TRPM3: variants seen among roughly 807,000 people sequenced by gnomAD.
TRPM3 encodes the protein long transient receptor potential channel 3.
A neutral mutation model predicts 181.2 loss-of-function variants in TRPM3; 77 were observed. The ratio of observed to expected loss-of-function variants is 0.42; its 90% CI spans 0.35 to 0.51. The LOEUF is 0.51. Ranked by LOEUF, TRPM3 falls within the 20% of genes least tolerant of loss-of-function variation. The probability of loss-of-function intolerance (pLI) is 0.01; values close to 1 mark genes in which losing one functional copy is unlikely to be tolerated. For synonymous variants in TRPM3, 745 were observed against 796.4 expected (o/e 0.94, Z 1.09); for missense variants, 1,759 against 2,196.7 (o/e 0.80, Z 3.98).
intron 1 of TRPM3, among the ~76,000 whole-genome samples, chr9:71,183,154 T>C (rs576079243): frequency 6.6e-6 from 1 of 152,258 alleles, no homozygotes; most frequent in East Asian, 1.9e-4. Context: ...ATCCACCACT[T>C]AAGTAAGACT....
intron 1 of TRPM3, among the ~76,000 whole-genome samples, chr9:71,089,124 T>G (rs1327553099): frequency 6.8e-6 from 1 of 147,584 alleles, no homozygotes; most frequent in Non-Finnish European, 1.5e-5. Context: ...ATATTGTATA[T>G]ATCATATATA....
intron 1 of TRPM3, among the ~76,000 whole-genome samples, chr9:71,298,469 G>A (rs573523190): frequency 1.4e-5 from 2 of 147,082 alleles, no homozygotes; most frequent in African/African-American, 2.5e-5. Flanking sequence ...AAATAATCTG[G>A]TCTTTTTTTT....
At chr9:71,350,002 T>TATA (rs2091529433) in intron 1 of TRPM3, among the ~76,000 whole-genome samples, 2 of 5,758 alleles carry the variant, frequency 3.5e-4, no homozygotes, top group South Asian at 2.5e-3. Flanking sequence ...TATATATATA[T>TATA]GGGCCTAAAA....
At chr9:71,249,330 A>G (rs1038451776) in intron 1 of TRPM3, among the ~76,000 whole-genome samples, 1 of 152,224 alleles carries the variant, frequency 6.6e-6, no homozygotes, top group African/African-American at 2.4e-5. Flanking sequence ...CAAACTCTAC[A>G]TTGGAGCTTT....
Position 71,167,486 on chromosome 9 carries a change from A to C in TRPM3, c.183+279167T>G, listed in dbSNP as rs1289642430. Among the ~76,000 whole-genome samples the C allele has an allele frequency of 3.9e-5, 6 of 152,326 alleles. No homozygotes were observed. In the East Asian group the frequency reaches 1.2e-3, roughly 29 times the overall value. On this transcript the variant is annotated intron_variant, in intron 1 of 24. Coordinates refer to the TRPM3 transcript ENST00000357533. The stretch of plus-strand genomic sequence containing the variant: ...CAACATATCACACCCTTCTGCAAAA[A>C]AACACACTTCTTTCTCCCATGAGAC...
chr9:70,977,732 T>C (rs1158654068), intron 1 of TRPM3, among the ~76,000 whole-genome samples: 1 of 152,168 alleles, frequency 6.6e-6, no homozygotes, highest in African/African-American at 2.4e-5. Context: ...GAACAGCTCA[T>C]GGAACTCAGG....
At chr9:70,779,242 C>A (rs1171674371) in intron 7 of TRPM3, among the ~76,000 whole-genome samples, 4 of 152,122 alleles carry the variant, frequency 2.6e-5, no homozygotes, top group African/African-American at 9.7e-5. Flanking sequence ...TTGGTATTTT[C>A]CCCATTGATA....
chr9:70,583,984 C>T (rs1406884889), intron 22 of TRPM3, among the ~76,000 whole-genome samples: 2 of 152,160 alleles, frequency 1.3e-5, no homozygotes, highest in East Asian at 3.8e-4. Context: ...CCCTTTTTCT[C>T]CTTTTCCCCT....
intron 25 of TRPM3, among the ~76,000 whole-genome samples, chr9:70,540,876 C>T (rs1376360560): frequency 6.6e-6 from 1 of 152,188 alleles, no homozygotes; most frequent in African/African-American, 2.4e-5. Flanking sequence ...GCATGCACCA[C>T]AACACCCAGC....
intron 9 of TRPM3, among the ~76,000 whole-genome samples, chr9:70,644,915 T>C (rs1004593151): frequency 3.9e-5 from 6 of 151,980 alleles, no homozygotes; most frequent in African/African-American, 1.5e-4. Context: ...ACCTCAATAA[T>C]AGACAAACAG....
chr9:71,173,994 T>C (rs1437335538), intron 1 of TRPM3, among the ~76,000 whole-genome samples: 1 of 152,150 alleles, frequency 6.6e-6, no homozygotes, highest in Non-Finnish European at 1.5e-5. Context: ...GTGTACTTTC[T>C]AAGAAGAAAA....
chr9:70,910,384 G>A (rs867360578), intron 1 of TRPM3, among the ~76,000 whole-genome samples: 69 of 152,148 alleles, frequency 4.5e-4, no homozygotes, highest in African/African-American at 1.6e-3. Context: ...TTTTGGGGGA[G>A]GAGGCTATGA....
intron 8 of TRPM3, among the ~76,000 whole-genome samples, chr9:70,696,824 T>TC (rs2070654361): frequency 1.3e-5 from 2 of 152,038 alleles, no homozygotes; most frequent in South Asian, 4.1e-4. Flanking sequence ...AGAAATCTAA[T>TC]CCCCCCAGAC....
intron 8 of TRPM3, among the ~76,000 whole-genome samples, chr9:70,747,115 A>G (rs1430951094): frequency 6.6e-6 from 1 of 152,220 alleles, no homozygotes; most frequent in African/African-American, 2.4e-5. Context: ...TGTCTGCTAT[A>G]TATATGCTAT....
intron 1 of TRPM3, among the ~76,000 whole-genome samples, chr9:71,208,642 TAATG>T (rs1402672782): frequency 1.3e-5 from 2 of 152,212 alleles, no homozygotes; most frequent in Non-Finnish European, 2.9e-5. Context: ...TGCATTAATG[TAATG>T]AACATTTAGA....
intron 1 of TRPM3, among the ~76,000 whole-genome samples, chr9:71,102,469 C>T (rs1170298662): frequency 6.6e-6 from 1 of 152,180 alleles, no homozygotes; most frequent in Non-Finnish European, 1.5e-5. Flanking sequence ...CTAGCTTATG[C>T]TACACTGCCT....
rs140258715 is a variant in TRPM3 at position 70,610,728 on chromosome 9, C to T, written c.2548G>A (p.Gly850Arg). The T allele has an allele frequency of 2.2e-4, 353 of 1,614,052 alleles. No homozygotes were observed. The African/African-American group carries it at 3.2e-3, about 15-fold the overall frequency. The part of the protein sequence containing the change: ...ELTAMLGRNN[G>R]ESSRKKDEEE... ...TCATCCTTCTTCCTGGAGGACTCCCCGTTGTTTCGTCCCAACATTGCCTAT... is the reference window on the plus strand; with the variant it reads ...TCATCCTTCTTCCTGGAGGACTCCCTGTTGTTTCGTCCCAACATTGCCTAT... The change falls in exon 19 of 26, where the codon GGG (glycine) becomes AGG (arginine). Residue 850 changes from glycine to arginine, a missense_variant. By Grantham distance (125) the Gly-to-Arg change is moderately radical. Transcript: ENST00000677713.
chr9:70,542,067 G>A (rs1286401136), intron 25 of TRPM3, among the ~76,000 whole-genome samples: 1 of 152,174 alleles, frequency 6.6e-6, no homozygotes, highest in Non-Finnish European at 1.5e-5. Context: ...GCTGTGGTGA[G>A]CCCAGATGGC....
intron 1 of TRPM3, among the ~76,000 whole-genome samples, chr9:71,003,203 A>AC (rs1449986651): frequency 2.1e-5 from 3 of 141,218 alleles, no homozygotes; most frequent in South Asian, 2.3e-4. Flanking sequence ...TAAAAAAAAA[A>AC]AAAAAAAACA....
Sources: allele counts gnomAD v4.1 joint callset (sites outside exome capture counted in the v4.1 genomes callset), GRCh38; gene constraint gnomAD v4.1.1; transcripts MANE v1.5; gene names NCBI Gene and HGNC (gene_info 2026-07-23, HGNC 2026-07-21).